DIAPH3: variants seen among roughly 807,000 people sequenced by gnomAD.
DIAPH3 encodes the protein protein diaphanous homolog 3.
DIAPH3 carries 117 observed loss-of-function variants against 144.3 expected under a neutral mutation model. The observed-to-expected ratio is 0.81, with a 90% CI of 0.70 to 0.95. The LOEUF (loss-of-function observed/expected upper bound fraction) is 0.95. Ranked by LOEUF, DIAPH3 falls within the 40% of genes least tolerant of loss-of-function variation. The pLI is 0.00. For missense variants in DIAPH3, 1,421 were observed against 1,412.7 expected, an observed-to-expected ratio of 1.01 and a Z score of -0.09; for synonymous variants, 519 against 488.9, an observed-to-expected ratio of 1.06 and a Z score of -0.81.
intron 1 of DIAPH3, among the ~76,000 whole-genome samples, chr13:60,135,073 T>A (rs1194325821): frequency 6.6e-6 from 1 of 152,052 alleles, no homozygotes. Flanking sequence ...AAATGTAAGT[T>A]ACATGATGCA....
chr13:59,835,404 G>A (rs1334074030), intron 23 of DIAPH3, among the ~76,000 whole-genome samples: 1 of 151,762 alleles, frequency 6.6e-6, no homozygotes, highest in African/African-American at 2.4e-5. Context: ...CAGAGGTTAG[G>A]TAGTTAAAAT....
chr13:59,983,236 A>T (rs1266812412), intron 13 of DIAPH3, among the ~76,000 whole-genome samples: 1 of 143,792 alleles, frequency 7.0e-6, no homozygotes, highest in African/African-American at 2.5e-5. Flanking sequence ...TTCGGGGGGG[A>T]CAGGCAATTC....
intron 25 of DIAPH3, among the ~76,000 whole-genome samples, chr13:59,791,199 G>A (rs1464511879): frequency 6.6e-6 from 1 of 152,082 alleles, no homozygotes; most frequent in Non-Finnish European, 1.5e-5. Context: ...CAAACTCCTG[G>A]CCTCATGCAA....
At chr13:59,919,755 C>A (rs1440841044) in intron 18 of DIAPH3, among the ~76,000 whole-genome samples, 1 of 151,710 alleles carries the variant, frequency 6.6e-6, no homozygotes, top group Non-Finnish European at 1.5e-5. Flanking sequence ...AGTCAAATTC[C>A]GAATATTCTA....
intron 4 of DIAPH3, among the ~76,000 whole-genome samples, chr13:60,073,978 C>G (rs1163907102): frequency 5.3e-5 from 8 of 152,268 alleles, no homozygotes; most frequent in Middle Eastern, 3.4e-3. Flanking sequence ...CTGTTAGGAA[C>G]AATATCAGAT....
intron 7 of DIAPH3, among the ~76,000 whole-genome samples, chr13:60,015,270 T>C (rs550740735): frequency 6.6e-6 from 1 of 152,238 alleles, no homozygotes; most frequent in African/African-American, 2.4e-5. Flanking sequence ...GCGGTAAGAT[T>C]ATAGGTGAGA....
At chr13:59,835,597 C>T (rs1383547446) in intron 23 of DIAPH3, among the ~76,000 whole-genome samples, 2 of 151,448 alleles carry the variant, frequency 1.3e-5, no homozygotes, top group Non-Finnish European at 3.0e-5. Flanking sequence ...TAAAAGTCTG[C>T]TAAGAAGGAA....
At chr13:59,977,783 T>C (rs1327529764) in intron 14 of DIAPH3, among the ~76,000 whole-genome samples, 7 of 151,624 alleles carry the variant, frequency 4.6e-5, no homozygotes, top group African/African-American at 1.5e-4. Context: ...TTTTACAAGC[T>C]AGAAAAAAAG....
intron 23 of DIAPH3, chr13:59,838,414 G>GTGTA (rs1171892715): frequency 1.3e-5 from 2 of 151,910 alleles, no homozygotes; most frequent in Non-Finnish European, 2.9e-5. Context: ...GTGTGTGTGT[G>GTGTA]TGTATGTATA....
At chr13:59,728,205 G>A (rs2035701941) in intron 27 of DIAPH3, among the ~76,000 whole-genome samples, 1 of 151,720 alleles carries the variant, frequency 6.6e-6, no homozygotes, top group Admixed American at 6.6e-5. Flanking sequence ...CACCCCCACT[G>A]GTTACTCTTT....
intron 24 of DIAPH3, among the ~76,000 whole-genome samples, chr13:59,831,471 A>G (rs909097129): frequency 6.6e-6 from 1 of 151,890 alleles, no homozygotes; most frequent in African/African-American, 2.4e-5. Flanking sequence ...ATGTGACAAC[A>G]TGTACAAAGT....
At chr13:60,073,885 T>A (rs1269572547) in intron 4 of DIAPH3, among the ~76,000 whole-genome samples, 1 of 152,238 alleles carries the variant, frequency 6.6e-6, no homozygotes, top group Non-Finnish European at 1.5e-5. Context: ...TTTTTATTTT[T>A]CCTAATTGAA....
At chr13:59,685,206 G>T (rs1386266097) in intron 27 of DIAPH3, among the ~76,000 whole-genome samples, 1 of 151,992 alleles carries the variant, frequency 6.6e-6, no homozygotes, top group African/African-American at 2.4e-5. Context: ...TTAAATATTG[G>T]TGCTTTTTAA....
chr13:60,152,292 G>A (rs1395051511), intron 1 of DIAPH3, among the ~76,000 whole-genome samples: 2 of 152,028 alleles, frequency 1.3e-5, no homozygotes, highest in African/African-American at 2.4e-5. Context: ...TAATTCAAGA[G>A]GGTGTGTACT....
At chr13:59,844,850 C>A (rs1268683186) in intron 22 of DIAPH3, among the ~76,000 whole-genome samples, 1 of 152,104 alleles carries the variant, frequency 6.6e-6, no homozygotes, top group African/African-American at 2.4e-5. Context: ...CTCCATACCA[C>A]AGAAGGCAAA....
At chr13:59,925,541 T>C (rs1389706776) in intron 17 of DIAPH3, among the ~76,000 whole-genome samples, 1 of 152,206 alleles carries the variant, frequency 6.6e-6, no homozygotes, top group Admixed American at 6.5e-5. Context: ...TCGTCTTGTC[T>C]TGGTATTAGT....
chr13:60,132,642 T>C (rs2059173965), intron 2 of DIAPH3, among the ~76,000 whole-genome samples: 1 of 152,142 alleles, frequency 6.6e-6, no homozygotes, highest in African/African-American at 2.4e-5. Flanking sequence ...GACATGTCTT[T>C]GCTATTTTTA....
chr13:60,064,472 G>A (rs896559166), intron 4 of DIAPH3, among the ~76,000 whole-genome samples: 2 of 152,196 alleles, frequency 1.3e-5, no homozygotes, highest in Non-Finnish European at 2.9e-5. Context: ...TATGAAGGTA[G>A]TTTCTTTCCT....
At chr13:59,832,952 A>G (rs1032446704) in intron 24 of DIAPH3, 155 bp downstream of exon 24, 5 of 687,286 alleles carry the variant, frequency 7.3e-6, no homozygotes, top group Non-Finnish European at 1.3e-5. Context: ...CAAACCATAC[A>G]TTTTTCAATA....
Sources: gnomAD v4.1 joint callset for allele counts (sites outside exome capture counted in the v4.1 genomes callset) on GRCh38, gnomAD v4.1.1 for gene constraint, MANE v1.5 for transcripts, NCBI Gene and HGNC (gene_info 2026-07-23, HGNC 2026-07-21) for gene names.